MYT1L: variants seen among roughly 807,000 people sequenced by gnomAD.
MYT1L encodes the protein myelin transcription factor 1 like, also known as myelin transcription factor 1-like protein.
In MYT1L, 12 loss-of-function variants were observed where a neutral mutation model predicts 126.7. The observed-to-expected ratio is 0.09, with a 90% CI of 0.06 to 0.15. The LOEUF (loss-of-function observed/expected upper bound fraction) is 0.15, where lower values mean the gene tolerates loss of function less well. Ranked by LOEUF, MYT1L falls within the 10% of genes least tolerant of loss-of-function variation. The probability of loss-of-function intolerance (pLI) is 1.00; values close to 1 mark genes in which losing one functional copy is unlikely to be tolerated. For synonymous variants in MYT1L, 541 were observed against 604.2 expected, an observed-to-expected ratio of 0.90 and a Z score of 1.53; for missense variants, 979 against 1,585.2, an observed-to-expected ratio of 0.62 and a Z score of 6.49.
chr2:2,039,287 C>T (rs1386552668), intron 4 of MYT1L, among the ~76,000 whole-genome samples: 2 of 151,998 alleles, frequency 1.3e-5, no homozygotes, highest in Non-Finnish European at 2.9e-5. Flanking sequence ...CCTGTAGTCT[C>T]AGCTACTCAG....
intron 3 of MYT1L, among the ~76,000 whole-genome samples, chr2:2,152,689 T>A (rs1392804985): frequency 6.6e-6 from 1 of 152,178 alleles, no homozygotes; most frequent in Non-Finnish European, 1.5e-5. Flanking sequence ...AGGGGCCTGA[T>A]AATCATAGCC....
At chr2:2,297,844 A>C (rs1218520667) in intron 1 of MYT1L, among the ~76,000 whole-genome samples, 1 of 151,866 alleles carries the variant, frequency 6.6e-6, no homozygotes. Context: ...AAGCAAAACC[A>C]CTCTGCTCTC....
At chr2:2,120,521 G>T (rs893924340) in intron 3 of MYT1L, among the ~76,000 whole-genome samples, 2 of 151,774 alleles carry the variant, frequency 1.3e-5, no homozygotes, top group African/African-American at 4.8e-5. Context: ...TACAGGGCTT[G>T]TTCTCCATCT....
intron 2 of MYT1L, among the ~76,000 whole-genome samples, chr2:2,191,950 T>G (rs1412529893): frequency 6.6e-6 from 1 of 152,252 alleles, no homozygotes; most frequent in Non-Finnish European, 1.5e-5. Context: ...GACCCTACGT[T>G]ATCCATACAG....
At chr2:2,138,277 T>G (rs1294750656) in intron 3 of MYT1L, among the ~76,000 whole-genome samples, 8 of 150,146 alleles carry the variant, frequency 5.3e-5, no homozygotes, top group Non-Finnish European at 1.2e-4. Context: ...ATTGTGGAAG[T>G]CAGTGTGGCG....
At chr2:1,839,752 T>G (rs971518932) in intron 20 of MYT1L, among the ~76,000 whole-genome samples, 3 of 152,204 alleles carry the variant, frequency 2.0e-5, no homozygotes, top group Admixed American at 6.5e-5. Flanking sequence ...AAATGCAACG[T>G]CAATAAGATG....
chr2:2,249,865 A>T (rs1159764450), intron 2 of MYT1L, among the ~76,000 whole-genome samples: 1 of 152,184 alleles, frequency 6.6e-6, no homozygotes, highest in African/African-American at 2.4e-5. Flanking sequence ...TGGGCAAAAG[A>T]TTTGAATAGA....
At chr2:1,877,488 A>G (rs555870300) in intron 18 of MYT1L, among the ~76,000 whole-genome samples, 3 of 152,244 alleles carry the variant, frequency 2.0e-5, no homozygotes, top group African/African-American at 4.8e-5. Context: ...TGCTCGACTG[A>G]TATTTTCTCC....
At chr2:2,066,363 G>C (rs956926688) in intron 3 of MYT1L, among the ~76,000 whole-genome samples, 3 of 152,164 alleles carry the variant, frequency 2.0e-5, no homozygotes, top group Non-Finnish European at 4.4e-5. Context: ...TGGCATCTCA[G>C]TCTTCAGGAA....
At chr2:2,312,899 G>T (rs763882193) in intron 1 of MYT1L, among the ~76,000 whole-genome samples, 2 of 152,090 alleles carry the variant, frequency 1.3e-5, no homozygotes, top group African/African-American at 4.8e-5. Flanking sequence ...AGAACAGCAG[G>T]CTGTCACAGA....
At chr2:2,299,258 T>C (rs2095747711) in intron 1 of MYT1L, among the ~76,000 whole-genome samples, 1 of 152,156 alleles carries the variant, frequency 6.6e-6, no homozygotes, top group South Asian at 2.1e-4. Flanking sequence ...GGAGCACCCA[T>C]CAATATGTGG....
At chr2:1,819,439 A>G (rs951165224) in intron 21 of MYT1L, among the ~76,000 whole-genome samples, 1 of 152,176 alleles carries the variant, frequency 6.6e-6, no homozygotes, top group African/African-American at 2.4e-5. Context: ...CCCATTTTAC[A>G]GAGGAGAGAA....
At chr2:2,211,604 G>A (rs1373164710) in intron 2 of MYT1L, among the ~76,000 whole-genome samples, 12 of 151,940 alleles carry the variant, frequency 7.9e-5, no homozygotes, top group Admixed American at 2.0e-4. Context: ...TCAGGAGTTC[G>A]AGAACAGCCT....
intron 4 of MYT1L, among the ~76,000 whole-genome samples, chr2:2,052,100 A>G: frequency 6.6e-6 from 1 of 152,234 alleles, no homozygotes; most frequent in East Asian, 1.9e-4. Flanking sequence ...AGACAGAGAA[A>G]CAGACCAGTA....
At chr2:1,859,162 A>G (rs2044266010) in intron 18 of MYT1L, among the ~76,000 whole-genome samples, 2 of 152,182 alleles carry the variant, frequency 1.3e-5, no homozygotes, top group Non-Finnish European at 2.9e-5. Context: ...TTTTTACAAA[A>G]TGATGTCTAG....
chr2:2,011,313 AC>A (rs1259519899), intron 4 of MYT1L, among the ~76,000 whole-genome samples: 3 of 151,820 alleles, frequency 2.0e-5, no homozygotes, highest in Admixed American at 6.6e-5. Context: ...AATCACTTGA[AC>A]CCGGGAGGCA....
intron 1 of MYT1L, chr2:2,303,518 A>AGGG (rs2095815815): frequency 1.5e-4 from 23 of 152,372 alleles, no homozygotes; most frequent in Admixed American, 1.2e-3. Context: ...TGCTCTCTTA[A>AGGG]TCAGGCTTGG....
chr2:1,901,128 C>T (rs946666883), intron 14 of MYT1L, among the ~76,000 whole-genome samples: 10 of 152,304 alleles, frequency 6.6e-5, no homozygotes, highest in African/African-American at 1.2e-4. Flanking sequence ...GATTTGACTT[C>T]GGGTGCCCTA....
At position 2,278,033 on chromosome 2, in the gene MYT1L, T is replaced by C. The variant is rs771335394; in HGVS notation, c.-421+6371A>G. On this transcript the variant is annotated intron_variant, in intron 2 of 24. Coordinates refer to ENST00000647738, the MANE Select transcript of MYT1L (RefSeq NM_001303052.2). ...GTAATTATTAATTCAGAAACACTTT[T>C]CATATACAAAATTAGACTTCTTTTC... Among the ~76,000 whole-genome samples, 71 of 152,350 alleles carry C rather than the reference T, an allele frequency of 4.7e-4. 1 individual carries two copies. Among genetic ancestry groups the C allele is most frequent in the Non-Finnish European group, 8.7e-4 (59 of 68,036 alleles).
Sources: gnomAD v4.1 joint callset for allele counts (sites outside exome capture counted in the v4.1 genomes callset) on GRCh38, gnomAD v4.1.1 for gene constraint, MANE v1.5 for transcripts, NCBI Gene and HGNC (gene_info 2026-07-23, HGNC 2026-07-21) for gene names.